Variants in CMTM7 observed in about 807,000 individuals in gnomAD.
CMTM7 encodes the protein CKLF like MARVEL transmembrane domain containing 7, also known as CKLF-like MARVEL transmembrane domain-containing protein 7.
A neutral mutation model predicts 19.3 loss-of-function variants in CMTM7; 7 were observed. The ratio of observed to expected loss-of-function variants is 0.36; its 90% CI spans 0.21 to 0.68. CMTM7 has a LOEUF of 0.68. Among genes scored for constraint, CMTM7 ranks in the 30% least tolerant of loss-of-function variants. CMTM7 has a pLI of 0.60. For missense variants in CMTM7, 193 were observed against 232.6 expected (o/e 0.83, Z 1.11); for synonymous variants, 87 against 99.3 (o/e 0.88, Z 0.74).
chr3:32,414,279 G>A (rs683019), intron 1 of CMTM7, among the ~76,000 whole-genome samples: 3 of 151,818 alleles, frequency 2.0e-5, no homozygotes, highest in East Asian at 3.9e-4. Flanking sequence ...CATTCTCCAC[G>A]TTCCACTGAC....
At position 32,414,163 on chromosome 3, in the gene CMTM7, C is replaced by T. The variant is rs146850724; in HGVS notation, c.159+22098C>T. The stretch of plus-strand genomic sequence containing the variant: ...CCACTGTAATCTCTTGGAGAGCACT[C>T]CCCAGTTAACTTTTTGCATGCAAAT... On this transcript the variant is annotated intron_variant, in intron 1 of 4. Transcript: ENST00000334983. 5.9e-5 allele frequency among the ~76,000 whole-genome samples: 9 copies of T among 152,316 alleles called. No homozygotes were observed. In the East Asian group the frequency reaches 1.5e-3, roughly 26 times the overall value.
intron 3 of CMTM7, 47 bp from the exon 4 acceptor site, chr3:32,452,345 A>G (rs746916145): frequency 5.6e-6 from 9 of 1,613,850 alleles, no homozygotes; most frequent in Non-Finnish European, 7.6e-6. Flanking sequence ...TGCCCGAGTA[A>G]TTAGCCCTAT....
At position 32,454,279 on chromosome 3, in the gene CMTM7, C is replaced by T; in HGVS notation, c.*25C>T. 1 of 1,613,840 alleles carries T rather than the reference C, an allele frequency of 6.2e-7. No individual in the cohort carries two copies. The highest frequency in any genetic ancestry group is 8.5e-7 in the Non-Finnish European group (1 of 1,179,800). Reference sequence around the variant, plus strand: ...ATGAGGCCACAACCCCTAGGCCCCTCAGGAGCTTTGCAGAGAGGAGGACGT... The same window carrying T: ...ATGAGGCCACAACCCCTAGGCCCCTTAGGAGCTTTGCAGAGAGGAGGACGT... On this transcript the variant is annotated 3_prime_UTR_variant, in exon 5 of 5. Transcript: ENST00000334983.
chr3:32,392,525 C>A (rs895532506), intron 1 of CMTM7, among the ~76,000 whole-genome samples: 1 of 152,266 alleles, frequency 6.6e-6, no homozygotes, highest in Non-Finnish European at 1.5e-5. Flanking sequence ...CCGAACCCAG[C>A]GCGGCAGGGC....
chr3:32,437,379 T>A (rs1351755482), intron 1 of CMTM7, among the ~76,000 whole-genome samples: 3 of 152,020 alleles, frequency 2.0e-5, no homozygotes, highest in African/African-American at 7.2e-5. Flanking sequence ...GGTGGATCAC[T>A]TGAGGTCAGG....
intron 1 of CMTM7, among the ~76,000 whole-genome samples, chr3:32,424,374 G>A (rs367849601): frequency 1.1e-4 from 16 of 152,128 alleles, no homozygotes; most frequent in Non-Finnish European, 2.1e-4. Flanking sequence ...CATTACAGGC[G>A]GCCACCAAGG....
At chr3:32,411,877 G>C (rs186710989) in intron 1 of CMTM7, among the ~76,000 whole-genome samples, 1 of 152,102 alleles carries the variant, frequency 6.6e-6, no homozygotes, top group Non-Finnish European at 1.5e-5. Flanking sequence ...TCAGGAGTTC[G>C]AACGAAGCTC....
chr3:32,437,858 T>C lies in CMTM7; in HGVS notation c.160-3982T>C, dbSNP rs556160811. On this transcript the variant is annotated intron_variant, in intron 1 of 4. Transcript: ENST00000334983. ...GTGAGCTGAGATGTTGCCACTGCAC[T>C]CCTGCCTAGCGACAGAGTGAGACTC... 1.8e-4 allele frequency among the ~76,000 whole-genome samples: 27 copies of C among 152,166 alleles called. 1 individual carries two copies. The South Asian group carries it at 4.4e-3, about 25-fold the overall frequency.
intron 4 of CMTM7, among the ~76,000 whole-genome samples, chr3:32,453,743 A>G (rs1204981996): frequency 6.6e-6 from 1 of 152,168 alleles, no homozygotes; most frequent in Non-Finnish European, 1.5e-5. Context: ...AAAGGCTCTA[A>G]AATTGTGGTT....
intron 2 of CMTM7, among the ~76,000 whole-genome samples, chr3:32,443,224 G>A (rs1032621800): frequency 2.6e-5 from 4 of 151,664 alleles, no homozygotes; most frequent in East Asian, 1.9e-4. Context: ...TCAGCCTCCC[G>A]AGTAGCTGAG....
In CMTM7 at chr3:32,452,467, T is replaced by C. The variant is rs1696852053; in HGVS notation, c.508T>C (p.Ser170Pro). Residue 170 changes from serine to proline, a missense_variant, in exon 4 of 5, where the codon TCC becomes CCC. Physicochemically the swap from Ser to Pro is moderately conservative, Grantham distance 74. Coordinates refer to ENST00000334983, the MANE Select transcript of CMTM7 (RefSeq NM_138410.4). ...LSYKISCVTQ[S>P]TDAAV is the part of the protein sequence containing the mutation. ...CTATAAGATCTCGTGTGTAACCCAG[T>C]CCACAGGTGAGTTCTGGTTATCTGT... 7.4e-6 allele frequency: 12 copies of C among 1,614,058 alleles called. No homozygotes were observed. The highest frequency in any genetic ancestry group is 1.0e-5 in the Non-Finnish European group (12 of 1,179,958).
At position 32,401,261 on chromosome 3, in the gene CMTM7, T is replaced by G. The variant is rs79435789; in HGVS notation, c.159+9196T>G. 3.4e-3 allele frequency among the ~76,000 whole-genome samples: 522 copies of G among 152,342 alleles called. 2 individuals carry two copies. The highest frequency in any genetic ancestry group is 0.012 in the African/African-American group (495 of 41,578). On this transcript the variant is annotated intron_variant, in intron 1 of 4. Transcript: ENST00000334983. Reference sequence around the variant, plus strand: ...GCCTTACCTATTCAGGCTGCAGAGCTTAAGGCTTTTGTAATCACCGGCAAG... The same window carrying G: ...GCCTTACCTATTCAGGCTGCAGAGCGTAAGGCTTTTGTAATCACCGGCAAG...
intron 1 of CMTM7, among the ~76,000 whole-genome samples, chr3:32,431,941 G>A (rs73055083): frequency 0.032 from 4,929 of 152,268 alleles, 120 homozygotes; most frequent in Middle Eastern, 0.054. Context: ...AGACCAGCCC[G>A]GTCAACATTG....
At chr3:32,413,275 A>G (rs1696207461) in intron 1 of CMTM7, among the ~76,000 whole-genome samples, 1 of 152,144 alleles carries the variant, frequency 6.6e-6, no homozygotes, top group South Asian at 2.1e-4. Context: ...GACTTAGATT[A>G]TTTTCCTTAA....
chr3:32,451,912 G>A (rs893875589), intron 3 of CMTM7: 13 of 422,904 alleles, frequency 3.1e-5, no homozygotes, highest in Middle Eastern at 3.6e-4. Context: ...TAAAGGCCTC[G>A]GCTTCTGGCT....
chr3:32,409,253 T>C (rs1198640001), intron 1 of CMTM7, among the ~76,000 whole-genome samples: 1 of 152,132 alleles, frequency 6.6e-6, no homozygotes, highest in East Asian at 1.9e-4. Flanking sequence ...ACTCCCCATA[T>C]CCCCTTGCCC....
intron 2 of CMTM7, among the ~76,000 whole-genome samples, chr3:32,444,764 T>C (rs1451116670): frequency 7.9e-5 from 12 of 152,216 alleles, no homozygotes; most frequent in Non-Finnish European, 1.5e-4. Context: ...TTTGTTGCTT[T>C]GTTTGAAACA....
At chr3:32,403,932 C>G (rs1332130505) in intron 1 of CMTM7, among the ~76,000 whole-genome samples, 1 of 151,898 alleles carries the variant, frequency 6.6e-6, no homozygotes, top group African/African-American at 2.4e-5. Context: ...GTGGGGAAAA[C>G]TCCTCACTGG....
chr3:32,433,923 C>T (rs1161502402), intron 1 of CMTM7, among the ~76,000 whole-genome samples: 1 of 152,078 alleles, frequency 6.6e-6, no homozygotes, highest in Non-Finnish European at 1.5e-5. Flanking sequence ...CGCAGTGGCT[C>T]ACACCTATAA....
Sources: gnomAD v4.1 joint callset for allele counts (sites outside exome capture counted in the v4.1 genomes callset) on GRCh38, gnomAD v4.1.1 for gene constraint, MANE v1.5 for transcripts, NCBI Gene and HGNC (gene_info 2026-07-23, HGNC 2026-07-21) for gene names.